The following SDK1 variants were observed in gnomAD, a reference collection of about 807,000 sequenced individuals.
SDK1 encodes the protein sidekick cell adhesion molecule 1.
Under a neutral mutation model 245.5 loss-of-function variants are expected in SDK1, and 157 were observed. That is an observed-to-expected ratio of 0.64 (90% CI 0.56 to 0.73). The LOEUF is 0.73. Among genes scored for constraint, SDK1 ranks in the 30% least tolerant of loss-of-function variants. The pLI is 0.00. For synonymous variants in SDK1, 1,647 were observed against 1,278.5 expected, an observed-to-expected ratio of 1.29 and a Z score of -6.15; for missense variants, 3,583 against 3,002.3, an observed-to-expected ratio of 1.19 and a Z score of -4.52.
At chr7:3,751,114 A>G (rs190946444) in intron 4 of SDK1, among the ~76,000 whole-genome samples, 2 of 151,854 alleles carry the variant, frequency 1.3e-5, no homozygotes, top group Admixed American at 1.3e-4. Context: ...TGTTGGTCCC[A>G]CTCTTCCTCC....
intron 4 of SDK1, among the ~76,000 whole-genome samples, chr7:3,727,616 G>A (rs1779047679): frequency 6.6e-6 from 1 of 151,958 alleles, no homozygotes; most frequent in African/African-American, 2.4e-5. Flanking sequence ...TCAGCCTCCT[G>A]AGTAGCTGGG....
At chr7:4,198,262 C>T (rs1023195619) in intron 35 of SDK1, among the ~76,000 whole-genome samples, 1 of 152,206 alleles carries the variant, frequency 6.6e-6, no homozygotes, top group African/African-American at 2.4e-5. Flanking sequence ...CCTCATTTGC[C>T]CCTCACAGAG....
At chr7:4,024,825 T>C (rs1787205450) in intron 17 of SDK1, among the ~76,000 whole-genome samples, 1 of 152,196 alleles carries the variant, frequency 6.6e-6, no homozygotes, top group Admixed American at 6.5e-5. Context: ...TTATGTTTTT[T>C]GTTTTTGTTT....
intron 14 of SDK1, among the ~76,000 whole-genome samples, chr7:4,010,300 T>G (rs1309841371): frequency 6.6e-6 from 1 of 152,102 alleles, no homozygotes; most frequent in Non-Finnish European, 1.5e-5. Flanking sequence ...CACGCAAGGG[T>G]GTAGGATCTC....
chr7:3,357,211 A>G (rs1159271428), intron 1 of SDK1, among the ~76,000 whole-genome samples: 2 of 151,642 alleles, frequency 1.3e-5, no homozygotes, highest in Admixed American at 1.3e-4. Flanking sequence ...ACATGATTTA[A>G]TCTTCTAGAG....
At chr7:3,472,496 A>G (rs887364569) in intron 1 of SDK1, among the ~76,000 whole-genome samples, 2 of 152,232 alleles carry the variant, frequency 1.3e-5, no homozygotes, top group East Asian at 1.9e-4. Context: ...GTGTTAAGAT[A>G]TGTTTTAAAA....
intron 1 of SDK1, among the ~76,000 whole-genome samples, chr7:3,406,891 G>C (rs1779068926): frequency 6.6e-6 from 1 of 152,102 alleles, no homozygotes; most frequent in Admixed American, 6.5e-5. Flanking sequence ...CAGTACATTT[G>C]TAATGTAAGC....
At chr7:4,206,056 C>G in intron 36 of SDK1, 62 bp downstream of exon 36, 3 of 1,099,448 alleles carry the variant, frequency 2.7e-6, no homozygotes, top group Non-Finnish European at 2.6e-6. Context: ...TTCACGTGGT[C>G]CTGCCTACTG....
intron 1 of SDK1, among the ~76,000 whole-genome samples, chr7:3,379,822 C>G (rs1426496967): frequency 6.6e-6 from 1 of 151,944 alleles, no homozygotes; most frequent in Non-Finnish European, 1.5e-5. Context: ...CTTGAGCCAC[C>G]TACATGATGC....
At chr7:3,304,751 C>T (rs555297825) in intron 1 of SDK1, among the ~76,000 whole-genome samples, 6 of 152,122 alleles carry the variant, frequency 3.9e-5, no homozygotes, top group African/African-American at 1.2e-4. Flanking sequence ...CCTTGTGTTT[C>T]CCCCTATTCC....
chr7:4,084,572 AC>A (rs1781302790), intron 22 of SDK1, among the ~76,000 whole-genome samples: 1 of 152,110 alleles, frequency 6.6e-6, no homozygotes. Context: ...CTGCTTCGAC[AC>A]CTTCCCAGTA....
intron 5 of SDK1, among the ~76,000 whole-genome samples, chr7:3,938,220 G>A (rs1780228776): frequency 6.6e-6 from 1 of 152,218 alleles, no homozygotes; most frequent in East Asian, 1.9e-4. Flanking sequence ...CTATTCAGAA[G>A]TGGACCTAAT....
intron 4 of SDK1, among the ~76,000 whole-genome samples, chr7:3,773,284 C>T (rs548861735): frequency 3.3e-5 from 5 of 152,264 alleles, no homozygotes; most frequent in Admixed American, 1.3e-4. Flanking sequence ...CCTATCTTCA[C>T]ATTCACTGAT....
At chr7:3,833,816 G>A (rs1779969703) in intron 5 of SDK1, among the ~76,000 whole-genome samples, 1 of 152,194 alleles carries the variant, frequency 6.6e-6, no homozygotes, top group Non-Finnish European at 1.5e-5. Flanking sequence ...AACCATGACA[G>A]CATGTTCTTG....
intron 2 of SDK1, 21 bp downstream of exon 2, chr7:3,619,260 A>T: frequency 6.3e-7 from 1 of 1,588,450 alleles, no homozygotes; most frequent in Non-Finnish European, 8.6e-7. Flanking sequence ...GCTTGAAAAA[A>T]TAAGATCCCA....
chr7:3,762,964 T>G (rs1643625462), intron 4 of SDK1, among the ~76,000 whole-genome samples: 1 of 152,188 alleles, frequency 6.6e-6, no homozygotes, highest in Admixed American at 6.5e-5. Context: ...CTTTCCCTCT[T>G]AAGCATCAGA....
intron 40 of SDK1, among the ~76,000 whole-genome samples, chr7:4,230,644 G>C (rs992457461): frequency 6.6e-6 from 1 of 151,872 alleles, no homozygotes; most frequent in African/African-American, 2.4e-5. Flanking sequence ...ACAGAAGGAT[G>C]GATGGATAGA....
intron 22 of SDK1, among the ~76,000 whole-genome samples, chr7:4,095,862 C>T (rs1782120677): frequency 6.6e-6 from 1 of 152,232 alleles, no homozygotes; most frequent in Non-Finnish European, 1.5e-5. Flanking sequence ...GTGTGAGCCA[C>T]CACGCCCAGC....
At chr7:4,018,486 G>C (rs181083059) in intron 17 of SDK1, among the ~76,000 whole-genome samples, 1 of 152,214 alleles carries the variant, frequency 6.6e-6, no homozygotes, top group Non-Finnish European at 1.5e-5. Context: ...CTGTCCATAT[G>C]CAAGTAATTC....
Sources: gnomAD v4.1 joint callset for allele counts (sites outside exome capture counted in the v4.1 genomes callset) on GRCh38, gnomAD v4.1.1 for gene constraint, MANE v1.5 for transcripts, NCBI Gene and HGNC (gene_info 2026-07-23, HGNC 2026-07-21) for gene names.